Variants in LHFPL3 observed in about 807,000 individuals in gnomAD.
LHFPL3 encodes LHFPL tetraspan subfamily member 3 protein.
LHFPL3 carries 5 observed loss-of-function variants against 19.3 expected under a neutral mutation model. The observed-to-expected ratio is 0.26, with a 90% CI of 0.14 to 0.54. LHFPL3 has a LOEUF of 0.54. Ranked by LOEUF, LHFPL3 falls within the 20% of genes least tolerant of loss-of-function variation. LHFPL3 has a pLI of 0.94. For synonymous variants in LHFPL3, 133 were observed against 126.2 expected (o/e 1.05, Z -0.36); for missense variants, 249 against 307.4 (o/e 0.81, Z 1.42).
intron 1 of LHFPL3, among the ~76,000 whole-genome samples, chr7:104,334,607 G>A (rs190099710): frequency 7.0e-4 from 107 of 152,276 alleles, no homozygotes; most frequent in East Asian, 2.5e-3. Flanking sequence ...TTTGAAAGCC[G>A]TGATACTCAT....
At chr7:104,826,106 T>C (rs891035250) in intron 2 of LHFPL3, among the ~76,000 whole-genome samples, 20 of 151,972 alleles carry the variant, frequency 1.3e-4, no homozygotes, top group Admixed American at 2.6e-4. Context: ...ATAACTGTTA[T>C]TATTTAATTC....
intron 1 of LHFPL3, among the ~76,000 whole-genome samples, chr7:104,572,891 C>T (rs942951882): frequency 6.6e-6 from 1 of 152,192 alleles, no homozygotes; most frequent in Admixed American, 6.5e-5. Context: ...TTAAACACCT[C>T]TCTAACATTA....
chr7:104,741,061 T>G (rs1359442713), intron 2 of LHFPL3, among the ~76,000 whole-genome samples: 1 of 152,228 alleles, frequency 6.6e-6, no homozygotes, highest in African/African-American at 2.4e-5. Context: ...AACCATAAAT[T>G]AATCGTCACA....
chr7:104,408,856 T>A (rs2116507764), intron 1 of LHFPL3, among the ~76,000 whole-genome samples: 1 of 134,312 alleles, frequency 7.4e-6, no homozygotes, highest in African/African-American at 2.9e-5. Context: ...AGTGTTGTAA[T>A]TTTCTTTCTT....
intron 1 of LHFPL3, among the ~76,000 whole-genome samples, chr7:104,693,794 G>T (rs59170835): frequency 0.52 from 76,082 of 146,182 alleles, 19,975 homozygotes; most frequent in East Asian, 0.58. Flanking sequence ...TAATTGTGGG[G>T]TTTTTTTTTT....
rs1158707207 is a variant in LHFPL3, at chr7:104,668,130, C to T, written c.446-68545C>T. The T allele has an allele frequency of 8.1e-6, 13 of 1,613,994 alleles. No homozygotes were observed. In the Admixed American group the frequency reaches 1.8e-4, roughly 23 times the overall value. ...AAATATCAGTGCAGTGCGTTTACCA[C>T]GTGAACCCAGCAATCCAGAGAGGCT... is the stretch of plus-strand genomic sequence containing the variant. On this transcript the variant is annotated intron_variant, in intron 1 of 2. Transcript: ENST00000424859.
At chr7:104,799,604 G>C (rs1790201508) in intron 2 of LHFPL3, 1 of 152,638 alleles carries the variant, frequency 6.6e-6, no homozygotes, top group East Asian at 1.9e-4. Flanking sequence ...CGACATAGTA[G>C]AGGAAGCATG....
intron 1 of LHFPL3, among the ~76,000 whole-genome samples, chr7:104,643,459 G>A (rs1011846145): frequency 6.6e-6 from 1 of 152,136 alleles, no homozygotes; most frequent in Non-Finnish European, 1.5e-5. Flanking sequence ...CACAAGGACT[G>A]TTACACATTA....
At chr7:104,404,820 C>T (rs1791384828) in intron 1 of LHFPL3, among the ~76,000 whole-genome samples, 1 of 152,092 alleles carries the variant, frequency 6.6e-6, no homozygotes, top group African/African-American at 2.4e-5. Context: ...GTACTTTGAT[C>T]CTGTGATACT....
At chr7:104,407,236 C>T (rs1791435145) in intron 1 of LHFPL3, among the ~76,000 whole-genome samples, 1 of 152,172 alleles carries the variant, frequency 6.6e-6, no homozygotes, top group Non-Finnish European at 1.5e-5. Flanking sequence ...AAACATAACC[C>T]CGTCTTTAAC....
intron 2 of LHFPL3, chr7:104,786,724 G>A (rs897275840): frequency 2.4e-5 from 3 of 122,736 alleles, no homozygotes; most frequent in African/African-American, 6.1e-5. Flanking sequence ...GTGTGTACGT[G>A]CTATATAAAA....
At chr7:104,342,989 G>T (rs1489066555) in intron 1 of LHFPL3, among the ~76,000 whole-genome samples, 1 of 128,570 alleles carries the variant, frequency 7.8e-6, no homozygotes, top group South Asian at 2.6e-4. Context: ...TATTATTAAA[G>T]AATTGACTTT....
intron 1 of LHFPL3, among the ~76,000 whole-genome samples, chr7:104,527,807 A>T (rs962795447): frequency 6.6e-6 from 1 of 152,154 alleles, no homozygotes; most frequent in Non-Finnish European, 1.5e-5. Context: ...TACAGAGGGA[A>T]ATTCACTTCT....
At chr7:104,611,496 A>G (rs1791213115) in intron 1 of LHFPL3, among the ~76,000 whole-genome samples, 3 of 152,222 alleles carry the variant, frequency 2.0e-5, no homozygotes, top group Non-Finnish European at 2.9e-5. Flanking sequence ...TGTGTGTTAC[A>G]ATACTTGACA....
At chr7:104,902,979 G>T (rs1272705809) in intron 2 of LHFPL3, among the ~76,000 whole-genome samples, 1 of 152,150 alleles carries the variant, frequency 6.6e-6, no homozygotes, top group Non-Finnish European at 1.5e-5. Context: ...GGCCGCAAAT[G>T]TTCCCGGAAC....
In LHFPL3 at chr7:104,894,381, G is replaced by A. The variant is rs1792313843; in HGVS notation, c.683-11806G>A. 2.0e-5 allele frequency among the ~76,000 whole-genome samples: 3 copies of A among 152,284 alleles called. No homozygotes were observed. The South Asian group carries it at 6.2e-4, about 32-fold the overall frequency. ...TCTTAACATCCAAGTCAAGGGTCTT[G>A]CAGGGAACAAGGATTACAGCTGATT... On this transcript the variant is annotated intron_variant, in intron 2 of 2. Coordinates refer to ENST00000424859, the MANE Select transcript of LHFPL3 (RefSeq NM_199000.3).
chr7:104,623,562 G>A (rs531366272), intron 1 of LHFPL3, among the ~76,000 whole-genome samples: 2 of 152,204 alleles, frequency 1.3e-5, no homozygotes, highest in Non-Finnish European at 2.9e-5. Context: ...CCTGGGAGGA[G>A]GAGTTTGCAG....
At chr7:104,641,511 G>T (rs948425157) in intron 1 of LHFPL3, among the ~76,000 whole-genome samples, 10 of 152,190 alleles carry the variant, frequency 6.6e-5, no homozygotes, top group African/African-American at 2.4e-4. Context: ...TTTCGTTAGA[G>T]GTATACCAGA....
chr7:104,386,721 T>C (rs1480998012), intron 1 of LHFPL3, among the ~76,000 whole-genome samples: 1 of 152,192 alleles, frequency 6.6e-6, no homozygotes, highest in Non-Finnish European at 1.5e-5. Flanking sequence ...AGACTGTTGA[T>C]TCAAGAAAGT....
Sources: gnomAD v4.1 joint callset for allele counts (sites outside exome capture counted in the v4.1 genomes callset) on GRCh38, gnomAD v4.1.1 for gene constraint, MANE v1.5 for transcripts, NCBI Gene and HGNC (gene_info 2026-07-23, HGNC 2026-07-21) for gene names.